C22orf39: variants seen among roughly 807,000 people sequenced by gnomAD.
C22orf39 encodes the protein synaptic plasticity regulator PANTS.
Under a neutral mutation model 18.3 loss-of-function variants are expected in C22orf39, and 20 were observed. That is an observed-to-expected ratio of 1.09 (90% confidence interval 0.77 to 1.59). C22orf39 has a LOEUF of 1.59. C22orf39 is among the 40% of genes most tolerant of loss of function. The pLI, the probability that C22orf39 is intolerant of heterozygous loss-of-function variation, is 0.00. For missense variants in C22orf39, 195 were observed against 156.1 expected (o/e 1.25, Z -1.33); for synonymous variants, 63 against 59.6 (o/e 1.06, Z -0.26).
chr22:19,444,353 G>T lies in C22orf39; in HGVS notation c.230C>A (p.Ala77Asp). The T allele has an allele frequency of 6.2e-7, 1 of 1,600,022 alleles. No individual in the cohort carries two copies. The highest frequency in any genetic ancestry group is 1.1e-5 in the South Asian group (1 of 89,154). The stretch of plus-strand genomic sequence containing the variant: ...CCACACCAGGATGTGCTTCCGTGCA[G>T]CCCGGACTCGTGCCCGCTCGCTCTC... ...LCESERARVR[A>D]ARKHILVWAP... Residue 77 changes from alanine (A) to aspartate (D), a missense_variant, in exon 3 of 3, where the codon GCT becomes GAT. Coordinates refer to ENST00000399562, the MANE Select transcript of C22orf39 (RefSeq NM_173793.5).
chr22:19,445,394 CT>C (rs1393985892), intron 2 of C22orf39, among the ~76,000 whole-genome samples: 1 of 152,172 alleles, frequency 6.6e-6, no homozygotes, highest in East Asian at 1.9e-4. Flanking sequence ...GGTCAAATGT[CT>C]ATTAGTGAAA....
chr22:19,443,034 T>C lies in C22orf39; in HGVS notation c.*1231A>G. On this transcript the variant is annotated 3_prime_UTR_variant, in exon 3 of 3. Coordinates refer to ENST00000399562, the MANE Select transcript of C22orf39 (RefSeq NM_173793.5). The stretch of plus-strand genomic sequence containing the variant: ...TACTCCCCTGATGATGGGGGAACGC[T>C]GGCTCCTCTTTAGATGCTCCTGCTC... The C allele has an allele frequency of 1.4e-6, 1 of 705,686 alleles. No homozygotes were observed. Among genetic ancestry groups the C allele is most frequent in the Non-Finnish European group, 1.7e-6 (1 of 574,984 alleles). The allele number at this position is 705,686 out of a possible 1,614,324, so 43.7% of individuals were successfully genotyped here.
chr22:19,446,519 A>G (rs1408884869), intron 2 of C22orf39, among the ~76,000 whole-genome samples: 2 of 152,092 alleles, frequency 1.3e-5, no homozygotes, highest in African/African-American at 4.8e-5. Flanking sequence ...ACTGTATTCT[A>G]CACTACAGTG....
chr22:19,444,527 C>CAGAG, intron 2 of C22orf39, 137 bp from the exon 3 acceptor site: 2 of 793,554 alleles, frequency 2.5e-6, no homozygotes, highest in Non-Finnish European at 3.8e-6. Context: ...AGCACAGCTG[C>CAGAG]TTCCACCTAC....
chr22:19,446,874 C>G (rs1366273703), intron 2 of C22orf39, among the ~76,000 whole-genome samples: 1 of 152,124 alleles, frequency 6.6e-6, no homozygotes, highest in Non-Finnish European at 1.5e-5. Context: ...TGCTAACAGA[C>G]TGATCTTTTA....
At position 19,441,619 on chromosome 22, in the gene C22orf39, C is replaced by T. The variant is rs1182891743; in HGVS notation, c.*2646G>A. On this transcript the variant is annotated 3_prime_UTR_variant, in exon 3 of 3. Transcript: ENST00000399562. ...TCATAGCTGACTGCAACCTCAAACT[C>T]CTATCCTCAAGTGATTCTTCTGCCT... The T allele has an allele frequency of 7.7e-6, 9 of 1,175,862 alleles. No individual in the cohort carries two copies. In the African/African-American group the frequency reaches 1.2e-4, roughly 16 times the overall value. 72.8% of individuals were successfully genotyped at this position (1,175,862 alleles called of 1,614,324 possible).
Position 19,444,381 on chromosome 22 carries a change from A to G in C22orf39, c.202T>C (p.Cys68Arg), listed in dbSNP as rs774176418. The change falls in exon 3 of 3, where the codon TGT becomes CGT. Residue 68 changes from cysteine (C) to arginine (R), a missense_variant. By Grantham distance (180) the Cys-to-Arg change is radical. Coordinates refer to ENST00000399562, the MANE Select transcript of C22orf39 (RefSeq NM_173793.5). ...CGGACTCGTGCCCGCTCGCTCTCAC[A>G]GAGGGATTGCTGTGCAAATGAGACT... Reference protein sequence around the residue: ...RRNAEAQQSLCESERARVRAA... With the variant: ...RRNAEAQQSLRESERARVRAA... The G allele has an allele frequency of 1.1e-5, 18 of 1,600,802 alleles. No homozygotes were observed. Among genetic ancestry groups the G allele is most frequent in the Non-Finnish European group, 1.5e-5 (18 of 1,176,130 alleles).
In C22orf39 at chr22:19,441,769, A is replaced by G. The variant is rs2089614091; in HGVS notation, c.*2496T>C. 1 of 1,487,360 alleles carries G rather than the reference A, an allele frequency of 6.7e-7. No individual in the cohort carries two copies. Among genetic ancestry groups the G allele is most frequent in the African/African-American group, 1.4e-5 (1 of 70,124 alleles). The allele number at this position is 1,487,360 out of a possible 1,614,324, so 92.1% of individuals were successfully genotyped here. On this transcript the variant is annotated 3_prime_UTR_variant, in exon 3 of 3. Coordinates refer to ENST00000399562, the MANE Select transcript of C22orf39 (RefSeq NM_173793.5). ...TTCATACCACCACCATAAAATACCAAACTGCTTCAGAAATTACCACCATTT... is the reference window on the plus strand; with the variant it reads ...TTCATACCACCACCATAAAATACCAGACTGCTTCAGAAATTACCACCATTT...
chr22:19,447,588 C>A, intron 1 of C22orf39, 43 bp from the exon 2 acceptor site: 1 of 1,442,110 alleles, frequency 6.9e-7, no homozygotes. Context: ...GGCGGCCGCG[C>A]CCTACGCCCC....
intron 2 of C22orf39, among the ~76,000 whole-genome samples, chr22:19,446,023 C>G (rs5993643): frequency 0.022 from 3,351 of 151,946 alleles, 140 homozygotes; most frequent in African/African-American, 0.076. Context: ...ACCATGTTGC[C>G]CATGGCTGGT....
chr22:19,443,953 C>G lies in C22orf39; in HGVS notation c.*312G>C. The G allele has an allele frequency of 9.1e-7, 1 of 1,103,820 alleles. No individual in the cohort carries two copies. Among genetic ancestry groups the G allele is most frequent in the Non-Finnish European group, 1.1e-6 (1 of 906,266 alleles). 68.4% of individuals were successfully genotyped at this position (1,103,820 alleles called of 1,614,324 possible). A position where few individuals can be genotyped will look rare whatever the true frequency, so the allele number is the denominator to read the frequency against. Reference sequence around the variant, plus strand: ...TTCAGTTTACCTGAGAAGCCTAGACCTCAGGACCGCCATCTCCTATGCTAC... The same window carrying G: ...TTCAGTTTACCTGAGAAGCCTAGACGTCAGGACCGCCATCTCCTATGCTAC... On this transcript the variant is annotated 3_prime_UTR_variant, in exon 3 of 3. Transcript: ENST00000399562.
chr22:19,447,518 C>G lies in C22orf39; in HGVS notation c.52G>C (p.Ala18Pro). The G allele has an allele frequency of 6.8e-7, 1 of 1,480,698 alleles. No individual in the cohort carries two copies. Among genetic ancestry groups the G allele is most frequent in the South Asian group, 1.3e-5 (1 of 76,194 alleles). The allele number at this position is 1,480,698 out of a possible 1,614,324, so 91.7% of individuals were successfully genotyped here. ...GCGCTGCGGCAGAGCTTCCACTCGG[C>G]GCGGTAGGCCTCGCAGGGGCGCGGC... ...QPPRPCEAYR[A>P]EWKLCRSARH... The change falls in exon 2 of 3, where the codon GCC becomes CCC. Residue 18 changes from alanine to proline, a missense_variant. Ala to Pro is a conservative substitution (Grantham distance 27). Coordinates refer to ENST00000399562, the MANE Select transcript of C22orf39 (RefSeq NM_173793.5).
At chr22:19,446,612 A>G (rs535226862) in intron 2 of C22orf39, among the ~76,000 whole-genome samples, 8 of 152,332 alleles carry the variant, frequency 5.3e-5, no homozygotes, top group African/African-American at 1.9e-4. Flanking sequence ...GCTGGACGAA[A>G]AAACAACTAG....
intron 1 of C22orf39, 37 bp from the exon 2 acceptor site, chr22:19,447,582 G>A: frequency 7.1e-7 from 1 of 1,413,236 alleles, no homozygotes; most frequent in Non-Finnish European, 9.2e-7. Flanking sequence ...GGGCCCGGCG[G>A]CCGCGCCCTA....
In C22orf39 at chr22:19,447,427, T is replaced by G. The variant is rs1473004413; in HGVS notation, c.143A>C (p.Asp48Ala). Reference protein sequence around the residue: ...ERPACEQWQRDLASCRDWEER... With the variant: ...ERPACEQWQRALASCRDWEER... ...CTCCCAGTCGCGGCAGCTGGCCAGG[T>G]CGCGCTGCCACTGTTCGCAGGCCGG... Residue 48 changes from aspartate to alanine, a missense_variant, in exon 2 of 3, where the codon GAC (aspartate) becomes GCC (alanine). Physicochemically the swap from Asp to Ala is moderately radical, Grantham distance 126 (BLOSUM62 -2). Transcript: ENST00000399562. 1 of 1,509,238 alleles carries G rather than the reference T, an allele frequency of 6.6e-7. No individual in the cohort carries two copies. Among genetic ancestry groups the G allele is most frequent in the Admixed American group, 2.1e-5 (1 of 48,338 alleles). 93.5% of individuals were successfully genotyped at this position (1,509,238 alleles called of 1,614,324 possible).
At chr22:19,444,446 G>A in intron 2 of C22orf39, 56 bp from the exon 3 acceptor site, 1 of 1,549,740 alleles carries the variant, frequency 6.5e-7, no homozygotes, top group East Asian at 2.4e-5. Context: ...CAAGACCCCT[G>A]TACCTCCCCC....
chr22:19,443,748 C>A lies in C22orf39; in HGVS notation c.*517G>T. The A allele has an allele frequency of 1.0e-6, 1 of 984,932 alleles. No homozygotes were observed. The highest frequency in any genetic ancestry group is 1.2e-6 in the Non-Finnish European group (1 of 829,902). The allele number at this position is 984,932 out of a possible 1,614,324, so 61.0% of individuals were successfully genotyped here. On this transcript the variant is annotated 3_prime_UTR_variant, in exon 3 of 3. Transcript: ENST00000399562. ...CAGCAAGCCCTACCTGCTCGGCACA[C>A]CTGCCTGCATGTGCAGTGGAACTGA... is the stretch of plus-strand genomic sequence containing the variant.
rs1189335274 is a variant in C22orf39 at position 19,447,694 on chromosome 22, G to A, written c.-6C>T. The A allele has an allele frequency of 1.9e-6, 3 of 1,608,960 alleles. No homozygotes were observed. The highest frequency in any genetic ancestry group is 2.5e-6 in the Non-Finnish European group (3 of 1,178,256). On this transcript the variant is annotated 5_prime_UTR_variant, in exon 1 of 3. Coordinates refer to ENST00000399562, the MANE Select transcript of C22orf39 (RefSeq NM_173793.5). ...CAGCCGCTGCCGTCCGCCATGTCTG[G>A]GCGACCGGCGCGCCAAGCCCGCCCC...
At chr22:19,446,312 T>C (rs1342436120) in intron 2 of C22orf39, among the ~76,000 whole-genome samples, 1 of 152,260 alleles carries the variant, frequency 6.6e-6, no homozygotes, top group African/African-American at 2.4e-5. Flanking sequence ...TCACATATTA[T>C]GGAATAGTCA....
Sources: allele counts gnomAD v4.1 joint callset (sites outside exome capture counted in the v4.1 genomes callset), GRCh38; gene constraint gnomAD v4.1.1; transcripts MANE v1.5; gene names NCBI Gene and HGNC (gene_info 2026-07-23, HGNC 2026-07-21).